HNMT: variants seen among roughly 807,000 people sequenced by gnomAD.
HNMT encodes histamine N-methyltransferase.
Under a neutral mutation model 32.1 loss-of-function variants are expected in HNMT, and 30 were observed. That is an observed-to-expected ratio of 0.93 (90% CI 0.70 to 1.27). The LOEUF (loss-of-function observed/expected upper bound fraction) is 1.27, where lower values mean the gene tolerates loss of function less well. Among genes scored for constraint, HNMT ranks in the 50% most tolerant of loss-of-function variants. The pLI is 0.00. For missense variants in HNMT, 327 were observed against 346.0 expected (o/e 0.95, Z 0.43); for synonymous variants, 125 against 119.0 (o/e 1.05, Z -0.33).
At chr2:138,013,649 G>A (rs12475006) in intron 5 of HNMT, 126 bp from the exon 6 acceptor site, 150,609 of 680,244 alleles carry the variant, frequency 0.22, 17,536 homozygotes, top group Admixed American at 0.32. Context: ...TGTACTCCTT[G>A]AAATATGAGC....
At chr2:137,981,397 C>G (rs746288462) in intron 2 of HNMT, 1 of 1,598,516 alleles carries the variant, frequency 6.3e-7, no homozygotes, top group South Asian at 1.1e-5. Flanking sequence ...TTTCCTTCAT[C>G]CTCTTTTAAG....
intron 2 of HNMT, among the ~76,000 whole-genome samples, chr2:137,985,572 G>T (rs1158869791): frequency 6.6e-6 from 1 of 152,100 alleles, no homozygotes; most frequent in African/African-American, 2.4e-5. Flanking sequence ...CAGTCTGTGA[G>T]TCTGTCTATG....
chr2:137,981,867 A>G (rs573944688), intron 2 of HNMT, among the ~76,000 whole-genome samples: 11 of 152,046 alleles, frequency 7.2e-5, no homozygotes, highest in African/African-American at 1.4e-4. Context: ...TATTATCACT[A>G]TTTTGAAACA....
At chr2:138,013,320 C>G (rs974445057) in intron 5 of HNMT, among the ~76,000 whole-genome samples, 1 of 152,092 alleles carries the variant, frequency 6.6e-6, no homozygotes, top group Admixed American at 6.6e-5. Context: ...TCTCTCCAAC[C>G]TCATCTCTTT....
chr2:138,003,441 A>C (rs549024296), intron 4 of HNMT, among the ~76,000 whole-genome samples: 6 of 152,274 alleles, frequency 3.9e-5, no homozygotes, highest in Non-Finnish European at 8.8e-5. Flanking sequence ...TAATCACCCC[A>C]AAAGAATAAA....
chr2:137,968,248 C>T (rs1390153688), intron 1 of HNMT, among the ~76,000 whole-genome samples: 1 of 152,058 alleles, frequency 6.6e-6, no homozygotes, highest in Non-Finnish European at 1.5e-5. Flanking sequence ...ACATTTAAAT[C>T]CTTGGCTAGA....
chr2:138,004,046 A>G (rs1681261386), intron 4 of HNMT, among the ~76,000 whole-genome samples: 2 of 151,574 alleles, frequency 1.3e-5, no homozygotes, highest in African/African-American at 2.4e-5. Flanking sequence ...CCTCTCTATT[A>G]CTCATTATAG....
At chr2:138,006,799 C>T (rs1166879345) in intron 5 of HNMT, among the ~76,000 whole-genome samples, 1 of 151,902 alleles carries the variant, frequency 6.6e-6, no homozygotes, top group Non-Finnish European at 1.5e-5. Flanking sequence ...TTCTGGACAA[C>T]CTTATCTGCA....
intron 2 of HNMT, among the ~76,000 whole-genome samples, chr2:137,977,469 G>C (rs1031450267): frequency 6.6e-6 from 1 of 151,988 alleles, no homozygotes; most frequent in Non-Finnish European, 1.5e-5. Context: ...GAAGGGGATT[G>C]GGGGGGTTGC....
At chr2:138,005,259 C>A in intron 5 of HNMT, 34 bp downstream of exon 5, 1 of 1,135,168 alleles carries the variant, frequency 8.8e-7, no homozygotes, top group Non-Finnish European at 1.3e-6. Flanking sequence ...AATTTTAAAA[C>A]AGCAATAATA....
intron 2 of HNMT, among the ~76,000 whole-genome samples, chr2:137,982,738 C>T (rs564985029): frequency 1.3e-5 from 2 of 152,256 alleles, no homozygotes; most frequent in South Asian, 4.1e-4. Context: ...ATTTGCTCAT[C>T]GATATTGCTT....
chr2:137,968,928 A>G (rs1680040198), intron 1 of HNMT, among the ~76,000 whole-genome samples: 1 of 152,136 alleles, frequency 6.6e-6, no homozygotes, highest in South Asian at 2.1e-4. Context: ...CTCCTACAGC[A>G]GTCATCTCTT....
intron 4 of HNMT, among the ~76,000 whole-genome samples, chr2:138,004,797 G>A (rs900178619): frequency 3.3e-5 from 5 of 152,034 alleles, no homozygotes; most frequent in East Asian, 1.9e-4. Flanking sequence ...TGCAATTCAC[G>A]AATTATAGAA....
In HNMT at chr2:138,010,453, A is replaced by G. The variant is rs978475431; in HGVS notation, c.524-3322A>G. Reference sequence around the variant, plus strand: ...AAAAAAGACACACGCACACACACACACACACACACACACACACACACACAC... The same window carrying G: ...AAAAAAGACACACGCACACACACACGCACACACACACACACACACACACAC... On this transcript the variant is annotated intron_variant, in intron 5 of 5. Transcript: ENST00000280097. 2.0e-4 allele frequency among the ~76,000 whole-genome samples: 27 copies of G among 134,258 alleles called. 1 individual carries two copies. The highest frequency in any genetic ancestry group is 7.5e-4 in the African/African-American group (25 of 33,236). 88.1% of individuals were successfully genotyped at this position (134,258 alleles called of 152,430 possible). A position where few individuals can be genotyped will look rare whatever the true frequency, so the allele number is the denominator to read the frequency against.
intron 2 of HNMT, among the ~76,000 whole-genome samples, chr2:137,979,059 AT>A (rs1283675054): frequency 2.1e-5 from 3 of 144,164 alleles, no homozygotes; most frequent in African/African-American, 7.5e-5. Context: ...ATTGTATAAT[AT>A]ATAGCATAGT....
At chr2:137,979,103 A>G (rs1680401556) in intron 2 of HNMT, among the ~76,000 whole-genome samples, 3 of 145,832 alleles carry the variant, frequency 2.1e-5, no homozygotes, top group Admixed American at 6.9e-5. Context: ...TATATATATT[A>G]TGTGTTATAT....
At chr2:137,990,514 A>G (rs1365058034) in intron 2 of HNMT, among the ~76,000 whole-genome samples, 1 of 152,170 alleles carries the variant, frequency 6.6e-6, no homozygotes, top group Admixed American at 6.5e-5. Flanking sequence ...GAAGTCAGAT[A>G]GTGTCGGTTC....
chr2:138,000,845 T>C (rs1216213296), intron 2 of HNMT, 73 bp from the exon 3 acceptor site: 1 of 767,166 alleles, frequency 1.3e-6, no homozygotes, highest in African/African-American at 1.8e-5. Flanking sequence ...GGGCAGATAA[T>C]AAATCAGCTA....
At chr2:137,971,497 A>G (rs920669357) in intron 2 of HNMT, among the ~76,000 whole-genome samples, 1 of 152,116 alleles carries the variant, frequency 6.6e-6, no homozygotes, top group Non-Finnish European at 1.5e-5. Context: ...TTTTATAGGC[A>G]TTTTATAGTG....
Sources: gnomAD v4.1 joint callset for allele counts (sites outside exome capture counted in the v4.1 genomes callset) on GRCh38, gnomAD v4.1.1 for gene constraint, MANE v1.5 for transcripts, NCBI Gene and HGNC (gene_info 2026-07-23, HGNC 2026-07-21) for gene names.